The following RHBDD1 variants were observed in gnomAD, a reference collection of about 807,000 sequenced individuals.
The protein encoded by RHBDD1 is rhomboid-related protein 4.
A neutral mutation model predicts 36.3 loss-of-function variants in RHBDD1; 38 were observed. The observed-to-expected ratio is 1.05, with a 90% CI of 0.81 to 1.37. The LOEUF (loss-of-function observed/expected upper bound fraction) is 1.37. RHBDD1 is among the 40% of genes most tolerant of loss of function. The pLI is 0.00. For missense variants in RHBDD1, 393 were observed against 377.6 expected, an observed-to-expected ratio of 1.04 and a Z score of -0.34; for synonymous variants, 151 against 136.5, an observed-to-expected ratio of 1.11 and a Z score of -0.74.
At chr2:226,933,464 C>A (rs1207911094) in intron 8 of RHBDD1, among the ~76,000 whole-genome samples, 4 of 152,070 alleles carry the variant, frequency 2.6e-5, no homozygotes, top group Non-Finnish European at 5.9e-5. Flanking sequence ...TATATCATAG[C>A]CCTCCGGGGA....
At chr2:226,876,509 A>G (rs1023096094) in intron 5 of RHBDD1, among the ~76,000 whole-genome samples, 1 of 152,228 alleles carries the variant, frequency 6.6e-6, no homozygotes, top group Non-Finnish European at 1.5e-5. Context: ...AGAAGTAATT[A>G]TTACTTCTAC....
the RHBDD1 span, among the ~76,000 whole-genome samples, chr2:226,827,356 T>C: frequency 6.6e-6 from 1 of 152,208 alleles, no homozygotes; most frequent in East Asian, 1.9e-4. Context: ...ATAAATTATC[T>C]ACTCCATGTA....
the RHBDD1 span, among the ~76,000 whole-genome samples, chr2:226,827,119 G>A: frequency 6.6e-6 from 1 of 151,926 alleles, no homozygotes; most frequent in South Asian, 2.1e-4. Context: ...CACCATGTCA[G>A]GCTACTTTTT....
At chr2:226,878,589 G>A (rs1235247218) in intron 5 of RHBDD1, among the ~76,000 whole-genome samples, 8 of 152,162 alleles carry the variant, frequency 5.3e-5, no homozygotes, top group Non-Finnish European at 1.2e-4. Flanking sequence ...TGAGGAAGAG[G>A]CCCAACCATC....
chr2:226,883,676 A>T (rs1365092163), intron 5 of RHBDD1, among the ~76,000 whole-genome samples: 1 of 152,228 alleles, frequency 6.6e-6, no homozygotes, highest in Non-Finnish European at 1.5e-5. Flanking sequence ...AATTTTGGTG[A>T]CTTGGTGACA....
chr2:226,930,282 A>G lies in RHBDD1; in HGVS notation c.856+15931A>G, dbSNP rs573052824. 9.3e-4 allele frequency among the ~76,000 whole-genome samples: 141 copies of G among 152,270 alleles called. 1 individual carries two copies. The highest frequency in any genetic ancestry group is 3.2e-3 in the African/African-American group (132 of 41,570). On this transcript the variant is annotated intron_variant, in intron 8 of 8. Transcript: ENST00000392062. ...ACACTACAAGGATGTAGTAACTAAA[A>G]CAGCATGGTACTGCTGTAAAAGTCG... is the stretch of plus-strand genomic sequence containing the variant.
At chr2:226,901,968 G>A (rs1267700209) in intron 5 of RHBDD1, among the ~76,000 whole-genome samples, 3 of 152,078 alleles carry the variant, frequency 2.0e-5, no homozygotes, top group Admixed American at 1.3e-4. Flanking sequence ...CTAGTGTCAG[G>A]CCGTTTACTG....
the RHBDD1 span, among the ~76,000 whole-genome samples, chr2:226,817,210 T>C: frequency 6.6e-6 from 1 of 152,234 alleles, no homozygotes; most frequent in African/African-American, 2.4e-5. Flanking sequence ...TCAGAAGTTA[T>C]ACTAATTCTT....
At chr2:226,857,678 A>G (rs1943464859) in intron 3 of RHBDD1, among the ~76,000 whole-genome samples, 1 of 152,198 alleles carries the variant, frequency 6.6e-6, no homozygotes, top group African/African-American at 2.4e-5. Flanking sequence ...GCCAAATACA[A>G]AAGGCCATGT....
chr2:226,810,990 G>A, the RHBDD1 span: 1 of 152,142 alleles, frequency 6.6e-6, no homozygotes, highest in Non-Finnish European at 1.5e-5. Flanking sequence ...GACCTTGCTC[G>A]TGCATGTGGA....
chr2:226,932,047 T>G (rs1332605639), intron 8 of RHBDD1, among the ~76,000 whole-genome samples: 1 of 152,208 alleles, frequency 6.6e-6, no homozygotes, highest in Non-Finnish European at 1.5e-5. Context: ...TCCATATGTT[T>G]TCTTAGATTT....
At chr2:226,819,616 G>T in the RHBDD1 span, among the ~76,000 whole-genome samples, 1 of 152,092 alleles carries the variant, frequency 6.6e-6, no homozygotes, top group Non-Finnish European at 1.5e-5. Context: ...GTTTAATTTT[G>T]CTGTGAACCT....
chr2:226,896,373 T>C (rs936961352), intron 5 of RHBDD1, among the ~76,000 whole-genome samples: 10 of 152,230 alleles, frequency 6.6e-5, no homozygotes, highest in Admixed American at 4.6e-4. Flanking sequence ...CCCTCTACAC[T>C]GAGTCCATCA....
chr2:226,922,244 G>T (rs1424150519), intron 8 of RHBDD1, among the ~76,000 whole-genome samples: 3 of 110,706 alleles, frequency 2.7e-5, no homozygotes, highest in Non-Finnish European at 5.0e-5. Flanking sequence ...GTCTCACTCT[G>T]TCGCCCAGGC....
intron 5 of RHBDD1, among the ~76,000 whole-genome samples, chr2:226,868,919 T>C (rs1466057939): frequency 1.3e-5 from 2 of 152,188 alleles, no homozygotes; most frequent in Non-Finnish European, 2.9e-5. Flanking sequence ...AACAGCCCTC[T>C]CTATACCTTG....
At chr2:226,871,300 A>C (rs1171029127) in intron 5 of RHBDD1, among the ~76,000 whole-genome samples, 3 of 152,220 alleles carry the variant, frequency 2.0e-5, no homozygotes, top group African/African-American at 7.2e-5. Context: ...TTTGACAGTA[A>C]GTTGTAAACA....
chr2:226,959,328 T>C (rs1952013216), intron 8 of RHBDD1, among the ~76,000 whole-genome samples: 1 of 152,194 alleles, frequency 6.6e-6, no homozygotes, highest in African/African-American at 2.4e-5. Flanking sequence ...TTTTTATCAT[T>C]TGATTGATAT....
chr2:226,890,478 T>C (rs930263525), intron 5 of RHBDD1, among the ~76,000 whole-genome samples: 1 of 152,222 alleles, frequency 6.6e-6, no homozygotes, highest in Non-Finnish European at 1.5e-5. Flanking sequence ...TTGACTCTTA[T>C]TAGAATCATC....
At chr2:226,981,197 T>G (rs1457942044) in intron 8 of RHBDD1, among the ~76,000 whole-genome samples, 2 of 152,006 alleles carry the variant, frequency 1.3e-5, no homozygotes, top group African/African-American at 4.8e-5. Flanking sequence ...GTGGGGAACA[T>G]CATACACTGG....
Sources: allele counts gnomAD v4.1 joint callset (sites outside exome capture counted in the v4.1 genomes callset), GRCh38; gene constraint gnomAD v4.1.1; transcripts MANE v1.5; gene names NCBI Gene and HGNC (gene_info 2026-07-23, HGNC 2026-07-21).